Variants in ATP6V0A2 observed in about 807,000 individuals in gnomAD.
ATP6V0A2 encodes V-type proton ATPase 116 kDa subunit a 2.
A neutral mutation model predicts 104.4 loss-of-function variants in ATP6V0A2; 58 were observed. The ratio of observed to expected loss-of-function variants is 0.56; its 90% CI spans 0.45 to 0.69. The LOEUF (loss-of-function observed/expected upper bound fraction) is 0.69. Ranked by LOEUF, ATP6V0A2 falls within the 30% of genes least tolerant of loss-of-function variation. The pLI, the probability that ATP6V0A2 is intolerant of heterozygous loss-of-function variation, is 0.00. For missense variants in ATP6V0A2, 938 were observed against 1,062.9 expected, an observed-to-expected ratio of 0.88 and a Z score of 1.63; for synonymous variants, 376 against 397.9, an observed-to-expected ratio of 0.95 and a Z score of 0.65.
intron 15 of ATP6V0A2, chr12:123,750,391 C>T (rs76481115): frequency 0.022 from 3,362 of 152,910 alleles, 104 homozygotes; most frequent in African/African-American, 0.055. Context: ...CCACCTTTCT[C>T]GGCATTTCAA....
At chr12:123,747,877 G>T (rs1956677417) in intron 14 of ATP6V0A2, 152 bp downstream of exon 14, 1 of 639,696 alleles carries the variant, frequency 1.6e-6, no homozygotes, top group African/African-American at 1.8e-5. Flanking sequence ...TAGATTTTCT[G>T]TGGTTTCAGC....
At chr12:123,751,073 A>C in intron 15 of ATP6V0A2, 37 bp from the exon 16 acceptor site, 3 of 1,613,818 alleles carry the variant, frequency 1.9e-6, no homozygotes, top group Non-Finnish European at 2.5e-6. Context: ...GCAGGCCTTC[A>C]CGTTTTAATC....
Position 123,712,493 on chromosome 12 carries a change from C to G in ATP6V0A2, c.-73C>G, listed in dbSNP as rs951643916. ...GAGCTCGAGGCCCGGGCCGCACCGG[C>G]TGAGTGTGCGGGCCCGCGCGGCTCG... is the stretch of plus-strand genomic sequence containing the variant. On this transcript the variant is annotated 5_prime_UTR_variant, in exon 1 of 20. Transcript: ENST00000330342. 3 of 1,037,452 alleles carry G rather than the reference C, an allele frequency of 2.9e-6. No individual in the cohort carries two copies. The highest frequency in any genetic ancestry group is 3.3e-5 in the South Asian group (2 of 60,252). 64.3% of individuals were successfully genotyped at this position (1,037,452 alleles called of 1,614,324 possible). A position where few individuals can be genotyped will look rare whatever the true frequency, so the allele number is the denominator to read the frequency against.
chr12:123,746,888 G>A (rs145665244), intron 13 of ATP6V0A2, among the ~76,000 whole-genome samples: 3,332 of 151,584 alleles, frequency 0.022, 102 homozygotes, highest in African/African-American at 0.055. Flanking sequence ...AACCAAGATT[G>A]CGCCACTGCA....
chr12:123,738,099 C>CT (rs1471429079), intron 9 of ATP6V0A2, among the ~76,000 whole-genome samples: 2 of 151,950 alleles, frequency 1.3e-5, no homozygotes, highest in East Asian at 1.9e-4. Flanking sequence ...AGGGGAATAC[C>CT]TTTTTTTTGT....
chr12:123,740,064 G>T (rs1238363017), intron 9 of ATP6V0A2, among the ~76,000 whole-genome samples: 1 of 152,090 alleles, frequency 6.6e-6, no homozygotes, highest in Non-Finnish European at 1.5e-5. Flanking sequence ...TCTGGAGGCC[G>T]GGGTGGGAGG....
chr12:123,736,287 G>T (rs1956552904), intron 8 of ATP6V0A2, among the ~76,000 whole-genome samples: 1 of 149,570 alleles, frequency 6.7e-6, no homozygotes, highest in Non-Finnish European at 1.5e-5. Flanking sequence ...TGCTTCCCAG[G>T]TTCAAGCAAT....
At chr12:123,754,599 A>G in intron 18 of ATP6V0A2, 62 bp downstream of exon 18, 1 of 1,179,982 alleles carries the variant, frequency 8.5e-7, no homozygotes, top group Non-Finnish European at 1.3e-6. Context: ...CTCAGGGGGC[A>G]CTGTGGGATA....
intron 2 of ATP6V0A2, among the ~76,000 whole-genome samples, chr12:123,720,208 A>G (rs1378694401): frequency 6.6e-6 from 1 of 152,134 alleles, no homozygotes; most frequent in African/African-American, 2.4e-5. Context: ...GTCATTTGAA[A>G]TCTAGTCCTA....
intron 7 of ATP6V0A2, 118 bp downstream of exon 7, chr12:123,734,126 C>T (rs1323682890): frequency 1.4e-6 from 1 of 725,356 alleles, no homozygotes; most frequent in East Asian, 2.6e-5. Context: ...TTATATGATT[C>T]TTTGCTGCAC....
In ATP6V0A2 at chr12:123,743,807, C is replaced by T. The variant is rs375589198; in HGVS notation, c.1061C>T (p.Pro354Leu). Reference protein sequence around the residue: ...EGSRESGATIPSFMNIIPTKE... With the variant: ...EGSRESGATILSFMNIIPTKE... Reference sequence around the variant, plus strand: ...AAGAGAGAGAGTGGTGCTACAATCCCCTCATTCATGAATATAATCCCCACA... The same window carrying T: ...AAGAGAGAGAGTGGTGCTACAATCCTCTCATTCATGAATATAATCCCCACA... The change falls in exon 10 of 20, where the codon CCC becomes CTC. Residue 354 changes from proline (P) to leucine (L), a missense_variant. Physicochemically the swap from Pro to Leu is moderately conservative, Grantham distance 98. Transcript: ENST00000330342. The T allele has an allele frequency of 6.2e-7, 1 of 1,613,990 alleles. No homozygotes were observed. The highest frequency in any genetic ancestry group is 1.3e-5 in the African/African-American group (1 of 74,944).
intron 6 of ATP6V0A2, among the ~76,000 whole-genome samples, chr12:123,729,577 A>G (rs1360522764): frequency 6.6e-6 from 1 of 152,110 alleles, no homozygotes; most frequent in Non-Finnish European, 1.5e-5. Flanking sequence ...GGGGAGAGAC[A>G]GAGTCATAAT....
chr12:123,725,093 G>A (rs1038666732), intron 4 of ATP6V0A2, among the ~76,000 whole-genome samples: 6 of 151,890 alleles, frequency 4.0e-5, no homozygotes, highest in African/African-American at 9.7e-5. Flanking sequence ...CCGCCACCAC[G>A]CCTGTAATTT....
chr12:123,739,315 G>T (rs893366755), intron 9 of ATP6V0A2, among the ~76,000 whole-genome samples: 1 of 152,112 alleles, frequency 6.6e-6, no homozygotes, highest in African/African-American at 2.4e-5. Flanking sequence ...CTGTCTCTTC[G>T]CTTTCCTCAT....
At position 123,759,482 on chromosome 12, in the gene ATP6V0A2, T is replaced by C. The variant is rs1459314393; in HGVS notation, c.*1450T>C. On this transcript the variant is annotated 3_prime_UTR_variant, in exon 20 of 20. Coordinates refer to ENST00000330342, the MANE Select transcript of ATP6V0A2 (RefSeq NM_012463.4). ...TTGGTTTTTTGTGAACTTGAGTCAG[T>C]CCTATTGAACATTTTGACCTATATT... 2 of 152,250 alleles carry C rather than the reference T, an allele frequency of 1.3e-5. No homozygotes were observed. The highest frequency in any genetic ancestry group is 2.9e-5 in the Non-Finnish European group (2 of 68,042). The allele number at this position is 152,250 out of a possible 1,614,324, so 9.4% of individuals were successfully genotyped here. A position where few individuals can be genotyped will look rare whatever the true frequency, so the allele number is the denominator to read the frequency against.
intron 18 of ATP6V0A2, among the ~76,000 whole-genome samples, chr12:123,755,409 G>T (rs936735914): frequency 1.3e-5 from 2 of 151,852 alleles, no homozygotes; most frequent in Non-Finnish European, 2.9e-5. Flanking sequence ...GGTGGCGGGC[G>T]CCTGTAGTCC....
At position 123,756,497 on chromosome 12, in the gene ATP6V0A2, G is replaced by A. The variant is rs183529767; in HGVS notation, c.2294-318G>A. 4 of 332,968 alleles carry A rather than the reference G, an allele frequency of 1.2e-5. No individual in the cohort carries two copies. The East Asian group carries it at 2.3e-4, about 19-fold the overall frequency. The allele number at this position is 332,968 out of a possible 1,614,324, so 20.6% of individuals were successfully genotyped here. A position where few individuals can be genotyped will look rare whatever the true frequency, so the allele number is the denominator to read the frequency against. ...AGTTGATCCCTCAGTGGCAGAACCA[G>A]GCCTGGGAGCCTGTTTCTGGCTGCC... On this transcript the variant is annotated intron_variant, in intron 18 of 19. Coordinates refer to ENST00000330342, the MANE Select transcript of ATP6V0A2 (RefSeq NM_012463.4).
At chr12:123,733,147 C>T (rs1174158317) in intron 6 of ATP6V0A2, 2 of 151,962 alleles carry the variant, frequency 1.3e-5, no homozygotes, top group Non-Finnish European at 2.9e-5. Flanking sequence ...ACCCCCGTCT[C>T]TACTAAAAAT....
At position 123,756,991 on chromosome 12, in the gene ATP6V0A2, G is replaced by A; in HGVS notation, c.2465+5G>A. On this transcript the variant is annotated splice_donor_5th_base_variant and intron_variant, in intron 19 of 19. Transcript: ENST00000330342. ...TCACGCCATACGCCTCCACTGGTGA[G>A]TTTGAAACCTAGCCTTGGAGCTGTT... The A allele has an allele frequency of 1.2e-6, 2 of 1,614,166 alleles. No homozygotes were observed. The highest frequency in any genetic ancestry group is 1.7e-6 in the Non-Finnish European group (2 of 1,180,020).
Sources: gnomAD v4.1 joint callset for allele counts (sites outside exome capture counted in the v4.1 genomes callset) on GRCh38, gnomAD v4.1.1 for gene constraint, MANE v1.5 for transcripts, NCBI Gene and HGNC (gene_info 2026-07-23, HGNC 2026-07-21) for gene names.